The following FAM81A variants were observed in gnomAD, a reference collection of about 807,000 sequenced individuals.
The protein encoded by FAM81A is family with sequence similarity 81 member A.
In FAM81A, 19 loss-of-function variants were observed where a neutral mutation model predicts 46.7. The ratio of observed to expected loss-of-function variants is 0.41; its 90% confidence interval spans 0.28 to 0.60. The LOEUF is 0.60. Ranked by LOEUF, FAM81A falls within the 20% of genes least tolerant of loss-of-function variation. The pLI, the probability that FAM81A is intolerant of heterozygous loss-of-function variation, is 0.34. For missense variants in FAM81A, 377 were observed against 453.5 expected, an observed-to-expected ratio of 0.83 and a Z score of 1.53; for synonymous variants, 183 against 152.9, an observed-to-expected ratio of 1.20 and a Z score of -1.45.
In FAM81A at chr15:59,456,675, C is replaced by T. The variant is rs778193018; in HGVS notation, c.-77-1875C>T. On this transcript the variant is annotated intron_variant, in intron 1 of 8. Transcript: ENST00000288228. ...ACTGTAGCCTCAGCCTCCCTGGGCT[C>T]AGGTGATCCTCCTGAGTAGCCTCCA... Among the ~76,000 whole-genome samples the T allele has an allele frequency of 1.1e-3, 168 of 152,252 alleles. 1 individual carries two copies. Among genetic ancestry groups the T allele is most frequent in the Non-Finnish European group, 3.8e-4 (26 of 68,018 alleles).
intron 8 of FAM81A, among the ~76,000 whole-genome samples, 153 bp downstream of exon 8, chr15:59,516,993 C>T (rs181842653): frequency 6.6e-6 from 1 of 152,276 alleles, no homozygotes; most frequent in East Asian, 1.9e-4. Context: ...GCTGTATTTT[C>T]TAAGTAGCTA....
intron 2 of FAM81A, among the ~76,000 whole-genome samples, chr15:59,459,665 A>G (rs756421803): frequency 3.3e-5 from 5 of 151,958 alleles, no homozygotes; most frequent in Non-Finnish European, 7.4e-5. Flanking sequence ...TATATTGGGG[A>G]GACATCTCGG....
Position 59,501,379 on chromosome 15 carries a change from A to G in FAM81A, c.414-5834A>G, listed in dbSNP as rs532234647. ...CTAATTGCTAGCATATTGCTATACT[A>G]TTTTTGACAATGCCCTGGGACATAA... On this transcript the variant is annotated intron_variant, in intron 4 of 8. Coordinates refer to ENST00000288228, the MANE Select transcript of FAM81A (RefSeq NM_152450.3). Among the ~76,000 whole-genome samples the G allele has an allele frequency of 1.1e-4, 16 of 152,298 alleles. No individual in the cohort carries two copies. The South Asian group carries it at 3.3e-3, about 32-fold the overall frequency.
intron 1 of FAM81A, among the ~76,000 whole-genome samples, chr15:59,456,015 C>T (rs558942968): frequency 2.4e-3 from 358 of 152,192 alleles, no homozygotes; most frequent in Non-Finnish European, 3.6e-3. Flanking sequence ...TGAAACATGC[C>T]TGTAAGGAGC....
At chr15:59,471,651 T>G (rs2081692687) in intron 3 of FAM81A, among the ~76,000 whole-genome samples, 1 of 142,080 alleles carries the variant, frequency 7.0e-6, no homozygotes, top group Non-Finnish European at 1.5e-5. Flanking sequence ...TTTTTTTTTG[T>G]AGAGATGAGG....
Position 59,495,613 on chromosome 15 carries a change from G to A in FAM81A, c.413+3224G>A, listed in dbSNP as rs1035266170. Among the ~76,000 whole-genome samples the A allele has an allele frequency of 7.9e-5, 12 of 152,170 alleles. 1 individual carries two copies. Among genetic ancestry groups the A allele is most frequent in the Non-Finnish European group, 1.2e-4 (8 of 68,026 alleles). The stretch of plus-strand genomic sequence containing the variant: ...GCGCAGCTAGACTGTTTGCCGAAGT[G>A]GCCGCCACTTTACATTGCCCCCAGC... On this transcript the variant is annotated intron_variant, in intron 4 of 8. Coordinates refer to ENST00000288228, the MANE Select transcript of FAM81A (RefSeq NM_152450.3).
intron 3 of FAM81A, among the ~76,000 whole-genome samples, chr15:59,482,558 C>T (rs917069342): frequency 1.1e-4 from 16 of 152,178 alleles, no homozygotes; most frequent in Non-Finnish European, 1.5e-4. Context: ...CGTGAGCCAC[C>T]ATGCCCAGCT....
intron 7 of FAM81A, 105 bp from the exon 8 acceptor site, chr15:59,516,540 A>G (rs2082268819): frequency 2.6e-6 from 3 of 1,150,238 alleles, no homozygotes; most frequent in East Asian, 5.0e-5. Context: ...AGCTGTTGCA[A>G]ATCTGTTTCT....
intron 1 of FAM81A, chr15:59,401,959 A>G: frequency 2.8e-6 from 2 of 722,488 alleles, no homozygotes; most frequent in Admixed American, 2.1e-5. Context: ...TCCAAACAGT[A>G]TCCATGGTGT....
intron 3 of FAM81A, among the ~76,000 whole-genome samples, chr15:59,471,505 C>G (rs1201530435): frequency 6.6e-6 from 1 of 151,916 alleles, no homozygotes; most frequent in African/African-American, 2.4e-5. Context: ...CTCTGTTACC[C>G]AGGCTGGAGT....
chr15:59,458,477 C>G, intron 1 of FAM81A, 73 bp from the exon 2 acceptor site: 1 of 1,028,906 alleles, frequency 9.7e-7, no homozygotes, highest in Non-Finnish European at 1.4e-6. Flanking sequence ...CACTTAGCAA[C>G]TTAATAATAA....
At chr15:59,461,761 G>C (rs1456520391) in intron 3 of FAM81A, among the ~76,000 whole-genome samples, 1 of 152,158 alleles carries the variant, frequency 6.6e-6, no homozygotes, top group East Asian at 1.9e-4. Flanking sequence ...ATGGGCATTT[G>C]GTTTGTTTCC....
intron 1 of FAM81A, among the ~76,000 whole-genome samples, chr15:59,456,534 C>T (rs1299378504): frequency 1.3e-5 from 2 of 152,098 alleles, no homozygotes; most frequent in African/African-American, 4.8e-5. Context: ...GTTTTCCCTC[C>T]CCATGTGCTT....
intron 3 of FAM81A, among the ~76,000 whole-genome samples, chr15:59,470,337 C>T (rs1275889810): frequency 6.6e-6 from 1 of 152,190 alleles, no homozygotes; most frequent in Non-Finnish European, 1.5e-5. Flanking sequence ...CTTTCAGGTA[C>T]AACAATCCAA....
chr15:59,459,914 T>G lies in FAM81A; in HGVS notation c.21-19T>G, dbSNP rs999637133. On this transcript the variant is annotated intron_variant, in intron 2 of 8. Coordinates refer to ENST00000288228, the MANE Select transcript of FAM81A (RefSeq NM_152450.3). ...ATTATTTTTTCCCAATTAACAACCC[T>G]CATGGTTCCCTTCTGCAGGCGAGTG... The G allele has an allele frequency of 7.6e-6, 12 of 1,572,630 alleles. No homozygotes were observed. Among genetic ancestry groups the G allele is most frequent in the Non-Finnish European group, 1.0e-5 (12 of 1,157,458 alleles).
At chr15:59,434,705 G>T (rs963195939), upstream of FAM81A, among the ~76,000 whole-genome samples, 5 of 152,198 alleles carry the variant, frequency 3.3e-5, no homozygotes, top group Non-Finnish European at 7.3e-5. Context: ...TATTGAGAAT[G>T]AACAACGTGT....
intron 3 of FAM81A, among the ~76,000 whole-genome samples, chr15:59,478,733 C>T (rs990869384): frequency 7.2e-6 from 1 of 139,552 alleles, no homozygotes; most frequent in African/African-American, 2.6e-5. Context: ...GAATGGAATT[C>T]GAATATTTAT....
At chr15:59,505,376 G>T (rs536345670) in intron 4 of FAM81A, among the ~76,000 whole-genome samples, 137 of 152,154 alleles carry the variant, frequency 9.0e-4, no homozygotes, top group African/African-American at 3.2e-3. Context: ...GCCAGGCATG[G>T]TGATGTGTAC....
At chr15:59,412,445 G>A (rs557015476) in intron 2 of FAM81A, among the ~76,000 whole-genome samples, 1 of 152,326 alleles carries the variant, frequency 6.6e-6, no homozygotes, top group Admixed American at 6.5e-5. Context: ...AGTGTTACAA[G>A]CCGGGCACAG....
Sources: gnomAD v4.1 joint callset for allele counts (sites outside exome capture counted in the v4.1 genomes callset) on GRCh38, gnomAD v4.1.1 for gene constraint, MANE v1.5 for transcripts, NCBI Gene and HGNC (gene_info 2026-07-23, HGNC 2026-07-21) for gene names.